Variants in MARK1 observed in about 807,000 individuals in gnomAD.
MARK1 encodes the protein microtubule affinity regulating kinase 1, also known as serine/threonine-protein kinase MARK1.
MARK1 carries 40 observed loss-of-function variants against 96.3 expected under a neutral mutation model. The observed-to-expected ratio is 0.42, with a 90% confidence interval of 0.32 to 0.54. The LOEUF (loss-of-function observed/expected upper bound fraction) is 0.54, where lower values mean the gene tolerates loss of function less well. Among genes scored for constraint, MARK1 ranks in the 20% least tolerant of loss-of-function variants. The pLI, the probability that MARK1 is intolerant of heterozygous loss-of-function variation, is 0.16. For missense variants in MARK1, 719 were observed against 984.6 expected (o/e 0.73, Z 3.61); for synonymous variants, 317 against 341.2 (o/e 0.93, Z 0.78).
At chr1:220,547,277 T>C (rs751762318) in intron 1 of MARK1, among the ~76,000 whole-genome samples, 7 of 152,224 alleles carry the variant, frequency 4.6e-5, no homozygotes, top group Non-Finnish European at 1.0e-4. Context: ...TATTTACTAG[T>C]AGCCACTGTT....
chr1:220,532,821 C>T (rs1011191030), intron 1 of MARK1, among the ~76,000 whole-genome samples: 2 of 151,866 alleles, frequency 1.3e-5, no homozygotes, highest in African/African-American at 4.8e-5. Flanking sequence ...GCATGGGCAA[C>T]ATGGAGAAAC....
intron 1 of MARK1, among the ~76,000 whole-genome samples, chr1:220,565,363 TC>T: frequency 6.6e-6 from 1 of 152,296 alleles, no homozygotes; most frequent in South Asian, 2.1e-4. Flanking sequence ...GCCACCAGTA[TC>T]CCTATGGTAA....
In MARK1 at chr1:220,663,791, A is replaced by G. The variant is rs1043261045; in HGVS notation, c.*1625A>G. The stretch of plus-strand genomic sequence containing the variant: ...TTGCCTTAGCAAAGGGTGGTGTTTG[A>G]AAAAAAAAATGTGTAGCCCCTTTTT... On this transcript the variant is annotated 3_prime_UTR_variant, in exon 18 of 18. Coordinates refer to ENST00000366917, the MANE Select transcript of MARK1 (RefSeq NM_018650.5). The G allele has an allele frequency of 7.2e-6, 1 of 138,430 alleles. No homozygotes were observed. The highest frequency in any genetic ancestry group is 1.5e-5 in the Non-Finnish European group (1 of 64,632). 8.6% of individuals were successfully genotyped at this position (138,430 alleles called of 1,614,324 possible).
intron 11 of MARK1, among the ~76,000 whole-genome samples, chr1:220,633,083 C>T (rs968737716): frequency 2.0e-5 from 3 of 152,072 alleles, no homozygotes; most frequent in African/African-American, 7.2e-5. Flanking sequence ...AGGTGCCACG[C>T]TCTTTTAAAT....
intron 13 of MARK1, among the ~76,000 whole-genome samples, chr1:220,637,271 C>A (rs1017479615): frequency 2.0e-5 from 3 of 152,048 alleles, no homozygotes; most frequent in Non-Finnish European, 2.9e-5. Flanking sequence ...AATGAAAATT[C>A]AGAATCAAAA....
intron 1 of MARK1, among the ~76,000 whole-genome samples, chr1:220,557,011 T>G (rs566342337): frequency 6.6e-6 from 1 of 152,282 alleles, no homozygotes; most frequent in Non-Finnish European, 1.5e-5. Flanking sequence ...GGCTAGGGGT[T>G]ATCCAGAAGT....
intron 1 of MARK1, among the ~76,000 whole-genome samples, chr1:220,562,998 G>T (rs1662777352): frequency 6.6e-6 from 1 of 152,118 alleles, no homozygotes; most frequent in Non-Finnish European, 1.5e-5. Context: ...TCCTCTTCCT[G>T]CATTTAAGTA....
At chr1:220,612,753 A>T (rs1387604571) in intron 6 of MARK1, among the ~76,000 whole-genome samples, 1 of 152,048 alleles carries the variant, frequency 6.6e-6, no homozygotes, top group Non-Finnish European at 1.5e-5. Flanking sequence ...TTGCTTTTTT[A>T]TTTTAACAGT....
intron 13 of MARK1, among the ~76,000 whole-genome samples, chr1:220,638,719 A>G (rs1558315940): frequency 1.3e-5 from 2 of 152,204 alleles, no homozygotes; most frequent in African/African-American, 2.4e-5. Context: ...ATTTTGATAG[A>G]GAAATTCTGT....
chr1:220,644,299 C>G (rs550620900), intron 13 of MARK1, among the ~76,000 whole-genome samples: 7 of 152,124 alleles, frequency 4.6e-5, no homozygotes, highest in South Asian at 2.1e-4. Flanking sequence ...TTTAAACCAA[C>G]AAAGGTCAGA....
intron 3 of MARK1, among the ~76,000 whole-genome samples, chr1:220,585,208 C>T (rs1171044388): frequency 6.6e-6 from 1 of 152,072 alleles, no homozygotes; most frequent in African/African-American, 2.4e-5. Context: ...GTTTCACTCT[C>T]CATGAAATTA....
Position 220,653,255 on chromosome 1 carries a change from C to T in MARK1, c.1891C>T (p.Pro631Ser), listed in dbSNP as rs750159709. ...ERRSVAYNGP[P>S]ASPSHETGAF... ...ACGCAGCGTTGCTTATAATGGGCCA[C>T]CTGCTTCACCATCCCATGAAACGGG... The change falls in exon 16 of 18, where the codon CCT (proline) becomes TCT (serine). Residue 631 changes from proline to serine, a missense_variant. Physicochemically the swap from Pro to Ser is moderately conservative, Grantham distance 74. Transcript: ENST00000366917. The T allele has an allele frequency of 1.0e-4, 165 of 1,614,108 alleles. No individual in the cohort carries two copies. The highest frequency in any genetic ancestry group is 2.3e-4 in the Admixed American group (14 of 60,008).
intron 9 of MARK1, among the ~76,000 whole-genome samples, chr1:220,630,465 ACT>A (rs773244913): frequency 5.2e-4 from 79 of 151,912 alleles, no homozygotes; most frequent in Non-Finnish European, 9.7e-4. Context: ...GCTTAATCTG[ACT>A]CTGGTAATTC....
chr1:220,615,957 T>C lies in MARK1; in HGVS notation c.514T>C (p.Tyr172His). 6.4e-7 allele frequency: 1 copy of C among 1,561,116 alleles called. No homozygotes were observed. Among genetic ancestry groups the C allele is most frequent in the Non-Finnish European group, 8.8e-7 (1 of 1,139,936 alleles). Reference protein sequence around the residue: ...KFRQIVSAVQYCHQKYIVHRD... With the variant: ...KFRQIVSAVQHCHQKYIVHRD... The stretch of plus-strand genomic sequence containing the variant: ...ATTCCAGATTGTATCTGCTGTACAG[T>C]ATTGTCATCAAAAGTACATTGTTCA... The change falls in exon 7 of 18, where the codon TAT becomes CAT. Residue 172 changes from tyrosine (Y) to histidine (H), a missense_variant. Physicochemically the swap from Tyr to His is moderately conservative, Grantham distance 83 (BLOSUM62 2). Transcript: ENST00000366917.
At chr1:220,537,052 A>G (rs1380241064) in intron 1 of MARK1, among the ~76,000 whole-genome samples, 5 of 150,676 alleles carry the variant, frequency 3.3e-5, no homozygotes, top group Non-Finnish European at 5.9e-5. Flanking sequence ...ATAGGTAAAC[A>G]TGTGGCATAG....
chr1:220,643,064 A>G (rs542318258), intron 13 of MARK1, among the ~76,000 whole-genome samples: 87 of 152,280 alleles, frequency 5.7e-4, no homozygotes, highest in African/African-American at 1.9e-3. Context: ...AATAATTGCA[A>G]CACCTCTCCA....
intron 17 of MARK1, 76 bp from the exon 18 acceptor site, chr1:220,661,736 G>A: frequency 8.8e-7 from 1 of 1,135,154 alleles, no homozygotes; most frequent in Non-Finnish European, 1.2e-6. Context: ...TGACCACTTA[G>A]ATTTTATGTG....
In MARK1 at chr1:220,581,072, T is replaced by C; in HGVS notation, c.263T>C (p.Val88Ala). 7.8e-7 allele frequency: 1 copy of C among 1,281,190 alleles called. No homozygotes were observed. Among genetic ancestry groups the C allele is most frequent in the African/African-American group, 1.5e-5 (1 of 66,398 alleles). The allele number at this position is 1,281,190 out of a possible 1,614,324, so 79.4% of individuals were successfully genotyped here. The part of the protein sequence containing the change: ...RHVLTGREVA[V>A]KIIDKTQLNP... Reference sequence around the variant, plus strand: ...ATGATTCTTCTTTTTTAGGTTGCTGTGAAAATAATAGACAAAACTCAGCTA... The same window carrying C: ...ATGATTCTTCTTTTTTAGGTTGCTGCGAAAATAATAGACAAAACTCAGCTA... Residue 88 changes from valine to alanine, a missense_variant, in exon 3 of 18, where the codon GTG becomes GCG. This residue lies in a region of MARK1 where 105 missense variants were observed against 133.4 expected (regional missense o/e 0.79). Coordinates refer to ENST00000366917, the MANE Select transcript of MARK1 (RefSeq NM_018650.5).
rs1664077085 is a variant in MARK1 at position 220,579,377 on chromosome 1, T to C, written c.75T>C (p.Thr25=). ...AGCATACATCTGTGGATGGATATAC[T>C]GAACCACACATCCAGCCTACCAAGT... ...TENHTSVDGY[T]EPHIQPTKSS... Residue 25 remains threonine, a synonymous_variant, in exon 2 of 18, where the codon ACT becomes ACC. Coordinates refer to ENST00000366917, the MANE Select transcript of MARK1 (RefSeq NM_018650.5). The C allele has an allele frequency of 6.2e-7, 1 of 1,613,744 alleles. No individual in the cohort carries two copies. The highest frequency in any genetic ancestry group is 1.7e-5 in the Admixed American group (1 of 59,988).
Sources: allele counts gnomAD v4.1 joint callset (sites outside exome capture counted in the v4.1 genomes callset), GRCh38; gene constraint gnomAD v4.1.1; regional missense constraint gnomAD v4.1.1; transcripts MANE v1.5; gene names NCBI Gene and HGNC (gene_info 2026-07-23, HGNC 2026-07-21).